ZNF695: variants seen among roughly 807,000 people sequenced by gnomAD.
ZNF695 encodes zinc finger protein 695.
A neutral mutation model predicts 11.2 loss-of-function variants in ZNF695; 11 were observed. That is an observed-to-expected ratio of 0.98 (90% CI 0.62 to 1.62). The LOEUF (loss-of-function observed/expected upper bound fraction) is 1.62. ZNF695 is among the 40% of genes most tolerant of loss of function. The probability of loss-of-function intolerance (pLI) is 0.00; values close to 1 mark genes in which losing one functional copy is unlikely to be tolerated. For missense variants in ZNF695, 559 were observed against 590.5 expected (o/e 0.95, Z 0.55); for synonymous variants, 190 against 201.4 (o/e 0.94, Z 0.48).
intron 3 of ZNF695, 63 bp from the exon 4 acceptor site, chr1:246,988,318 G>C (rs1057357411): frequency 1.6e-6 from 2 of 1,278,000 alleles, no homozygotes; most frequent in African/African-American, 3.0e-5. Flanking sequence ...CAAATCTAAG[G>C]CATAAAATTA....
intron 5 of ZNF695, among the ~76,000 whole-genome samples, chr1:246,947,073 G>C (rs1478544091): frequency 6.7e-6 from 1 of 149,590 alleles, no homozygotes; most frequent in Non-Finnish European, 1.5e-5. Flanking sequence ...TCGGGAGGTG[G>C]AGCTTGCAGT....
At chr1:246,972,464 G>A (rs1668451530) in intron 4 of ZNF695, among the ~76,000 whole-genome samples, 1 of 152,156 alleles carries the variant, frequency 6.6e-6, no homozygotes, top group Non-Finnish European at 1.5e-5. Flanking sequence ...AATTACTACT[G>A]TAATCAAATC....
Position 246,987,294 on chromosome 1 carries a change from G to A in ZNF695, c.1221C>T (p.Pro407=). Residue 407 remains proline, a synonymous_variant, in exon 4 of 4, where the codon CCC becomes CCT. Transcript: ENST00000339986. The stretch of plus-strand genomic sequence containing the variant: ...CTTTGCCACATTCCTCACATTTGTA[G>A]GGTTTCTGCCCAGTATGAATTCTCT... ...QHKRIHTGQK[P]YKCEECGKAF... 6.2e-7 allele frequency: 1 copy of A among 1,613,180 alleles called. No homozygotes were observed. The highest frequency in any genetic ancestry group is 1.1e-5 in the South Asian group (1 of 91,036).
intron 1 of ZNF695, among the ~76,000 whole-genome samples, chr1:247,001,658 A>AGCTGAGAT (rs1669387284): frequency 6.8e-6 from 1 of 147,752 alleles, no homozygotes; most frequent in East Asian, 2.1e-4. Flanking sequence ...GGTTGCAGTA[A>AGCTGAGAT]GCTGAGATCA....
At chr1:246,976,573 T>A (rs1407217634) in intron 4 of ZNF695, among the ~76,000 whole-genome samples, 1 of 151,724 alleles carries the variant, frequency 6.6e-6, no homozygotes, top group Non-Finnish European at 1.5e-5. Flanking sequence ...GGCGGGCAGA[T>A]CACGAGGTGA....
intron 5 of ZNF695, among the ~76,000 whole-genome samples, chr1:246,958,823 C>G (rs1299171972): frequency 1.3e-5 from 2 of 152,100 alleles, no homozygotes; most frequent in Non-Finnish European, 2.9e-5. Context: ...TAGTAACACG[C>G]GGGGACAGTG....
chr1:246,952,787 A>C (rs988877688), intron 5 of ZNF695, among the ~76,000 whole-genome samples: 5 of 151,910 alleles, frequency 3.3e-5, no homozygotes, highest in Non-Finnish European at 7.4e-5. Context: ...TTCAGAAACT[A>C]TTGATTTTTG....
chr1:246,972,544 T>C (rs2818890), intron 4 of ZNF695, among the ~76,000 whole-genome samples: 98,347 of 152,124 alleles, frequency 0.65, 33,824 homozygotes, highest in African/African-American at 0.9. Flanking sequence ...TTTTTTGAGA[T>C]GAAGTCTCAT....
chr1:246,975,844 T>C (rs1461909281), intron 4 of ZNF695, among the ~76,000 whole-genome samples: 1 of 152,036 alleles, frequency 6.6e-6, no homozygotes, highest in Non-Finnish European at 1.5e-5. Flanking sequence ...AGGGAATCTT[T>C]AAAGAGGCTA....
At chr1:247,001,408 A>G (rs1269319124) in intron 1 of ZNF695, among the ~76,000 whole-genome samples, 3 of 151,876 alleles carry the variant, frequency 2.0e-5, no homozygotes, top group Non-Finnish European at 4.4e-5. Flanking sequence ...TTTTAAAAAA[A>G]AAAAAAGAAA....
chr1:246,976,517 G>A (rs12408144), intron 4 of ZNF695, among the ~76,000 whole-genome samples: 34,267 of 151,902 alleles, frequency 0.23, 4,930 homozygotes, highest in East Asian at 0.35. Flanking sequence ...TACACTGGCC[G>A]GGCGCGGTGG....
rs117979224 is a variant in ZNF695 at position 246,979,597 on chromosome 1, C to T, written c.390+8528G>A. 7.7e-4 allele frequency among the ~76,000 whole-genome samples: 117 copies of T among 152,228 alleles called. 1 individual carries two copies. In the East Asian group the frequency reaches 0.021, roughly 27 times the overall value. On this transcript the variant is annotated intron_variant, in intron 4 of 5. Coordinates refer to the ZNF695 transcript ENST00000487338. ...AGAAATGTTATTGAAATCTTTACTA[C>T]CCATTCGCTAGGTGAAATTATCTAA...
chr1:246,951,616 T>G (rs1363442732), intron 5 of ZNF695, among the ~76,000 whole-genome samples: 1 of 152,232 alleles, frequency 6.6e-6, no homozygotes, highest in Non-Finnish European at 1.5e-5. Flanking sequence ...TATTACACGC[T>G]CCTAGACCAG....
At position 246,985,921 on chromosome 1, in the gene ZNF695, T is replaced by G. The variant is rs1668834232; in HGVS notation, c.*1046A>C. The G allele has an allele frequency of 7.1e-6, 7 of 985,346 alleles. No homozygotes were observed. The highest frequency in any genetic ancestry group is 8.4e-6 in the Non-Finnish European group (7 of 829,954). The allele number at this position is 985,346 out of a possible 1,614,324, so 61.0% of individuals were successfully genotyped here. A position where few individuals can be genotyped will look rare whatever the true frequency, so the allele number is the denominator to read the frequency against. On this transcript the variant is annotated 3_prime_UTR_variant, in exon 4 of 4. Transcript: ENST00000339986. ...GAATATAGAAGAAACTCTCACAGCT[T>G]TCATGTAGCAACAGTAGGCCTCATG...
chr1:246,978,942 T>C (rs747015186), intron 4 of ZNF695, among the ~76,000 whole-genome samples: 38 of 152,300 alleles, frequency 2.5e-4, no homozygotes, highest in Admixed American at 4.6e-4. Context: ...GATACAGTGA[T>C]CGTGAATGCT....
At chr1:246,974,197 T>A (rs1668502735) in intron 4 of ZNF695, among the ~76,000 whole-genome samples, 1 of 150,956 alleles carries the variant, frequency 6.6e-6, no homozygotes, top group Admixed American at 6.6e-5. Context: ...ACAAAAAACC[T>A]ATTACATGTT....
intron 4 of ZNF695, among the ~76,000 whole-genome samples, chr1:246,975,313 T>G (rs1361172397): frequency 6.6e-6 from 1 of 152,216 alleles, no homozygotes; most frequent in Non-Finnish European, 1.5e-5. Context: ...TTCGGAACAC[T>G]GATATCCACC....
chr1:247,000,172 T>G (rs1558320854), intron 1 of ZNF695, 98 bp from the exon 2 acceptor site: 31 of 988,092 alleles, frequency 3.1e-5, no homozygotes, highest in Non-Finnish European at 4.6e-5. Flanking sequence ...CTGACTTATA[T>G]GAGTGACTAG....
intron 5 of ZNF695, among the ~76,000 whole-genome samples, chr1:246,962,650 A>T (rs1375917794): frequency 1.3e-5 from 2 of 151,472 alleles, no homozygotes; most frequent in African/African-American, 2.4e-5. Flanking sequence ...TACTAACATC[A>T]GATTTCATCA....
Sources: allele counts gnomAD v4.1 joint callset (sites outside exome capture counted in the v4.1 genomes callset), GRCh38; gene constraint gnomAD v4.1.1; transcripts MANE v1.5; gene names NCBI Gene and HGNC (gene_info 2026-07-23, HGNC 2026-07-21).